FGF14: variants seen among roughly 807,000 people sequenced by gnomAD.
The protein encoded by FGF14 is fibroblast growth factor 14.
FGF14 carries 5 observed loss-of-function variants against 25.5 expected under a neutral mutation model. The observed-to-expected ratio is 0.20, with a 90% CI of 0.10 to 0.41. The LOEUF is 0.41. FGF14 is among the 10% of genes least tolerant of loss of function. FGF14 has a pLI of 1.00. For synonymous variants in FGF14, 138 were observed against 118.3 expected (o/e 1.17, Z -1.08); for missense variants, 222 against 320.1 (o/e 0.69, Z 2.34).
At chr13:102,374,853 AT>A (rs1403587173) in intron 1 of FGF14, among the ~76,000 whole-genome samples, 3 of 151,678 alleles carry the variant, frequency 2.0e-5, no homozygotes, top group Non-Finnish European at 2.9e-5. Context: ...AGTTTATGCA[AT>A]TTTAACTAAA....
At chr13:101,777,585 T>G (rs2039205737) in intron 3 of FGF14, among the ~76,000 whole-genome samples, 2 of 152,322 alleles carry the variant, frequency 1.3e-5, no homozygotes, top group East Asian at 3.9e-4. Context: ...GGATCACAGA[T>G]GCATCAACAT....
At chr13:102,383,422 T>A (rs1259903122) in intron 1 of FGF14, among the ~76,000 whole-genome samples, 1 of 152,154 alleles carries the variant, frequency 6.6e-6, no homozygotes, top group Non-Finnish European at 1.5e-5. Context: ...CAATTTCCAG[T>A]CATAACCTAC....
chr13:101,923,839 A>G (rs2034177107), intron 1 of FGF14, among the ~76,000 whole-genome samples: 1 of 152,068 alleles, frequency 6.6e-6, no homozygotes, highest in South Asian at 2.1e-4. Flanking sequence ...TGATACTAAA[A>G]ACTTGTGAAC....
At chr13:101,976,829 C>G (rs2037956853) in intron 1 of FGF14, among the ~76,000 whole-genome samples, 1 of 152,192 alleles carries the variant, frequency 6.6e-6, no homozygotes. Context: ...ACTACCCCAA[C>G]TTGGTAGTTT....
intron 1 of FGF14, among the ~76,000 whole-genome samples, chr13:101,947,751 A>G (rs758795054): frequency 6.6e-6 from 1 of 152,222 alleles, no homozygotes; most frequent in Non-Finnish European, 1.5e-5. Flanking sequence ...TACATAGGTG[A>G]CAGGATCCAT....
intron 1 of FGF14, among the ~76,000 whole-genome samples, chr13:102,290,509 G>A (rs547053623): frequency 2.9e-4 from 44 of 152,236 alleles, no homozygotes; most frequent in Non-Finnish European, 5.4e-4. Context: ...TACCTTCCTG[G>A]AGCAGCCTGA....
At chr13:102,295,413 C>G (rs1253286416) in intron 1 of FGF14, among the ~76,000 whole-genome samples, 1 of 152,106 alleles carries the variant, frequency 6.6e-6, no homozygotes, top group East Asian at 1.9e-4. Flanking sequence ...TTTCCTTGCC[C>G]CTTAGCAGCC....
At chr13:102,274,295 A>G (rs1465925534) in intron 1 of FGF14, among the ~76,000 whole-genome samples, 1 of 152,178 alleles carries the variant, frequency 6.6e-6, no homozygotes, top group African/African-American at 2.4e-5. Context: ...ACCTTGGGGC[A>G]CCTATACCTC....
chr13:102,008,492 T>C (rs2039919307), intron 1 of FGF14, among the ~76,000 whole-genome samples: 1 of 152,200 alleles, frequency 6.6e-6, no homozygotes. Flanking sequence ...ATAGGTCAGG[T>C]GCTAGAAAGA....
chr13:101,910,532 ATACAT>A, intron 1 of FGF14, among the ~76,000 whole-genome samples: 1 of 152,238 alleles, frequency 6.6e-6, no homozygotes, highest in Middle Eastern at 3.4e-3. Flanking sequence ...AGGGAGAAAC[ATACAT>A]TCCACAAAAT....
intron 1 of FGF14, among the ~76,000 whole-genome samples, chr13:101,894,616 T>A (rs2030336669): frequency 6.6e-6 from 1 of 152,194 alleles, no homozygotes; most frequent in Admixed American, 6.6e-5. Context: ...GTTATATTGC[T>A]TAACATATAC....
chr13:102,324,575 A>G (rs1407702741), intron 1 of FGF14, among the ~76,000 whole-genome samples: 1 of 152,188 alleles, frequency 6.6e-6, no homozygotes, highest in Non-Finnish European at 1.5e-5. Context: ...TCATGCATCA[A>G]AGTCTTTGAC....
At chr13:101,752,242 T>C (rs2037331955) in intron 3 of FGF14, among the ~76,000 whole-genome samples, 2 of 152,212 alleles carry the variant, frequency 1.3e-5, no homozygotes, top group Non-Finnish European at 2.9e-5. Flanking sequence ...AATAGAAATA[T>C]GAAGTACTTG....
At chr13:101,990,240 A>G (rs905791720) in intron 1 of FGF14, among the ~76,000 whole-genome samples, 2 of 152,094 alleles carry the variant, frequency 1.3e-5, no homozygotes, top group African/African-American at 4.8e-5. Context: ...TCAGTTACTG[A>G]CCACTTTTGG....
At chr13:102,300,944 C>G (rs959367859) in intron 1 of FGF14, among the ~76,000 whole-genome samples, 1 of 151,082 alleles carries the variant, frequency 6.6e-6, no homozygotes, top group Admixed American at 6.6e-5. Flanking sequence ...CACATACACA[C>G]ACACACACAC....
At chr13:102,029,613 T>G (rs1471564083) in intron 1 of FGF14, among the ~76,000 whole-genome samples, 1 of 152,112 alleles carries the variant, frequency 6.6e-6, no homozygotes, top group Admixed American at 6.6e-5. Context: ...TTTGAAGAAC[T>G]TAGCCCAAAG....
chr13:102,314,842 C>T (rs556026845), intron 1 of FGF14, among the ~76,000 whole-genome samples: 11 of 151,852 alleles, frequency 7.2e-5, no homozygotes, highest in Admixed American at 3.3e-4. Context: ...TGGTATTTCT[C>T]GACATGGGAG....
At chr13:101,861,015 T>C (rs540214884) in intron 3 of FGF14, among the ~76,000 whole-genome samples, 2 of 152,254 alleles carry the variant, frequency 1.3e-5, no homozygotes, top group Admixed American at 1.3e-4. Flanking sequence ...AGATTCTATA[T>C]ACTTATGAAT....
chr13:101,875,318 C>T, intron 1 of FGF14, 22 bp from the exon 2 acceptor site: 1 of 1,500,816 alleles, frequency 6.7e-7, no homozygotes, highest in Non-Finnish European at 9.3e-7. Flanking sequence ...ACATAGTTAT[C>T]ATAAGCCTCA....
Sources: gnomAD v4.1 joint callset for allele counts (sites outside exome capture counted in the v4.1 genomes callset) on GRCh38, gnomAD v4.1.1 for gene constraint, MANE v1.5 for transcripts, NCBI Gene and HGNC (gene_info 2026-07-23, HGNC 2026-07-21) for gene names.